Variants in MMP28 observed in about 807,000 individuals in gnomAD.
MMP28 encodes the protein matrix metallopeptidase 28, also known as matrix metalloproteinase-28.
Under a neutral mutation model 60.5 loss-of-function variants are expected in MMP28, and 55 were observed. The ratio of observed to expected loss-of-function variants is 0.91; its 90% CI spans 0.73 to 1.14. MMP28 has a LOEUF of 1.14. MMP28 is among the 50% of genes most tolerant of loss of function. The pLI, the probability that MMP28 is intolerant of heterozygous loss-of-function variation, is 0.00. For missense variants in MMP28, 686 were observed against 738.3 expected (o/e 0.93, Z 0.82); for synonymous variants, 318 against 312.5 (o/e 1.02, Z -0.18).
At position 35,766,724 on chromosome 17, in the gene MMP28, G is replaced by T; in HGVS notation, c.1339C>A (p.Gln447Lys). The change falls in exon 8 of 8, where the codon CAA (glutamine) becomes AAA (lysine). Residue 447 changes from glutamine (Q) to lysine (K), a missense_variant. Gln to Lys is a moderately conservative substitution (Grantham distance 53). Transcript: ENST00000605424. The surrounding 1 kb of genome is among the most constrained non-coding windows in gnomAD (Gnocchi z 4.3). ...CTTCGGGGGTAGTAGGGCTCCACTTGCAGTCCCCCTCGGGCCAGCACGTAG... is the reference window on the plus strand; with the variant it reads ...CTTCGGGGGTAGTAGGGCTCCACTTTCAGTCCCCCTCGGGCCAGCACGTAG... ...RYYVLARGGL[Q>K]VEPYYPRSLQ... 2 of 1,599,194 alleles carry T rather than the reference G, an allele frequency of 1.3e-6. No homozygotes were observed. The highest frequency in any genetic ancestry group is 2.3e-5 in the East Asian group (1 of 44,134).
At chr17:35,764,274 G>A, downstream of MMP28, 1 of 1,536,304 alleles carries the variant, frequency 6.5e-7, no homozygotes, top group Non-Finnish European at 8.8e-7. Flanking sequence ...GGCTTCTGGG[G>A]CTGGCTCGGC....
chr17:35,764,673 T>TA, downstream of MMP28: 2 of 1,498,448 alleles, frequency 1.3e-6, no homozygotes, highest in South Asian at 2.6e-5. Flanking sequence ...CCAGACCCCC[T>TA]ACCGACCTTC....
intron 2 of MMP28, among the ~76,000 whole-genome samples, chr17:35,760,600 A>G (rs1366645063): frequency 6.6e-6 from 1 of 152,214 alleles, no homozygotes; most frequent in East Asian, 1.9e-4. Context: ...AGATGAAGAG[A>G]CTGAGGGTCA....
downstream of MMP28, chr17:35,764,357 G>A (rs1002981605): frequency 2.8e-6 from 4 of 1,454,426 alleles, no homozygotes; most frequent in African/African-American, 4.4e-5. Flanking sequence ...GGGGCACGAG[G>A]GAGGCGGTGC....
At chr17:35,790,702 T>C (rs926538839) in intron 1 of MMP28, among the ~76,000 whole-genome samples, 1 of 151,994 alleles carries the variant, frequency 6.6e-6, no homozygotes, top group African/African-American at 2.4e-5. Context: ...AATTAGTCTG[T>C]AGAGGCTGAG....
At chr17:35,779,170 G>T (rs1329184016) in intron 2 of MMP28, 74 bp downstream of exon 2, 1 of 1,566,578 alleles carries the variant, frequency 6.4e-7, no homozygotes, top group Non-Finnish European at 8.7e-7. Context: ...AGGCTTCCAG[G>T]AGGAGGGAGG....
At chr17:35,765,607 C>T (rs992687918), downstream of MMP28, among the ~76,000 whole-genome samples, 2 of 152,228 alleles carry the variant, frequency 1.3e-5, no homozygotes, top group African/African-American at 4.8e-5. Flanking sequence ...GCATCCCCAG[C>T]GCCTGCAGCG....
intron 2 of MMP28, chr17:35,758,347 C>T (rs2143044721): frequency 2.0e-5 from 3 of 152,296 alleles, no homozygotes; most frequent in Admixed American, 2.0e-4. Context: ...GGATTACCTG[C>T]TTGCTCTCAT....
intron 1 of MMP28, among the ~76,000 whole-genome samples, chr17:35,791,596 T>A (rs2086816679): frequency 6.6e-6 from 1 of 152,196 alleles, no homozygotes; most frequent in Non-Finnish European, 1.5e-5. Flanking sequence ...AAGTGTTTTA[T>A]GTTTACTCAT....
intron 1 of MMP28, among the ~76,000 whole-genome samples, chr17:35,786,964 G>A (rs1239878123): frequency 6.6e-6 from 1 of 151,914 alleles, no homozygotes; most frequent in Non-Finnish European, 1.5e-5. Context: ...GACAGAACCA[G>A]TACTCTAATC....
intron 3 of MMP28, among the ~76,000 whole-genome samples, chr17:35,776,364 C>T (rs1314870400): frequency 4.0e-5 from 6 of 151,314 alleles, no homozygotes; most frequent in Non-Finnish European, 7.4e-5. Context: ...TTAGTAGAGA[C>T]GGGGTTTTAT....
chr17:35,767,775 TC>T lies in MMP28; in HGVS notation c.1144del (p.Asp382MetfsTer170). 2 of 1,571,498 alleles carry T rather than the reference TC, an allele frequency of 1.3e-6. No individual in the cohort carries two copies. Among genetic ancestry groups the T allele is most frequent in the Non-Finnish European group, 1.7e-6 (2 of 1,158,738 alleles). On this transcript the variant is annotated frameshift_variant, in exon 7 of 8. Coordinates refer to ENST00000605424, the MANE Select transcript of MMP28 (RefSeq NM_024302.5). LOFTEE classifies it high-confidence loss of function. ...ACCTTTGAAGAAGTAGAAATCTCCA[TC>T]ATTCAATGACACTGCCGCAGCCTCA... is the stretch of plus-strand genomic sequence containing the variant. ...NIEAAAVSLN[D>X]GDFYFFKGGR...
chr17:35,758,769 A>G (rs1157623068), intron 2 of MMP28, among the ~76,000 whole-genome samples: 1 of 152,230 alleles, frequency 6.6e-6, no homozygotes, highest in Non-Finnish European at 1.5e-5. Context: ...GGGTTGTTTG[A>G]CAATCTGACT....
intron 2 of MMP28, among the ~76,000 whole-genome samples, chr17:35,757,847 C>T (rs1051789356): frequency 3.9e-5 from 6 of 152,166 alleles, no homozygotes; most frequent in South Asian, 2.1e-4. Flanking sequence ...TATTCACAGG[C>T]GCAATTATTG....
At chr17:35,795,004 C>T (rs2086925943) in intron 1 of MMP28, among the ~76,000 whole-genome samples, 2 of 152,322 alleles carry the variant, frequency 1.3e-5, no homozygotes, top group South Asian at 4.1e-4. Flanking sequence ...GTAGGATGTC[C>T]CCTCTGGGCT....
rs180855965 is a variant in MMP28 at position 35,783,332 on chromosome 17, A to G, written c.112-4009T>C. 6.6e-5 allele frequency among the ~76,000 whole-genome samples: 10 copies of G among 152,306 alleles called. No individual in the cohort carries two copies. The East Asian group carries it at 1.5e-3, about 24-fold the overall frequency. On this transcript the variant is annotated intron_variant, in intron 1 of 7. Coordinates refer to ENST00000605424, the MANE Select transcript of MMP28 (RefSeq NM_024302.5). Reference sequence around the variant, plus strand: ...ACCTTAGAGGGAACGTTAACAACAGACTTTTGGAATGCAATCCATCTGTAA... The same window carrying G: ...ACCTTAGAGGGAACGTTAACAACAGGCTTTTGGAATGCAATCCATCTGTAA...
intron 2 of MMP28, among the ~76,000 whole-genome samples, chr17:35,760,682 T>C (rs2085800124): frequency 6.6e-6 from 1 of 152,180 alleles, no homozygotes; most frequent in South Asian, 2.1e-4. Flanking sequence ...ACCCAGTTTA[T>C]TGCGGGCCAA....
chr17:35,769,530 G>A (rs533131459), intron 5 of MMP28, among the ~76,000 whole-genome samples: 13 of 152,300 alleles, frequency 8.5e-5, no homozygotes, highest in African/African-American at 3.1e-4. Context: ...ATAGATCCCA[G>A]GGCAGTAGCA....
rs200526223 is a variant in MMP28 at position 35,773,250 on chromosome 17, G to T, written c.534C>A (p.Pro178=). ...GGAAGAAGGTGAGCCGGATGTCAGC[G>T]GGGCCTGTGGCTGGGGCCTCCCAGA... The part of the protein sequence containing the change: ...LEFWEAPATG[P]ADIRLTFFQG... Residue 178 remains proline, a synonymous_variant, in exon 4 of 8, where the codon CCC becomes CCA. Coordinates refer to ENST00000605424, the MANE Select transcript of MMP28 (RefSeq NM_024302.5). The T allele has an allele frequency of 4.3e-6, 7 of 1,613,916 alleles. No homozygotes were observed. Among genetic ancestry groups the T allele is most frequent in the Non-Finnish European group, 5.9e-6 (7 of 1,179,904 alleles).
Sources: gnomAD v4.1 joint callset for allele counts (sites outside exome capture counted in the v4.1 genomes callset) on GRCh38, gnomAD v4.1.1 for gene constraint, Gnocchi (gnomAD v3.1) non-coding constraint, MANE v1.5 for transcripts, NCBI Gene and HGNC (gene_info 2026-07-23, HGNC 2026-07-21) for gene names.